The following PARVA variants were observed in gnomAD, a reference collection of about 807,000 sequenced individuals.
PARVA encodes parvin alpha, also known as alpha-parvin.
PARVA carries 25 observed loss-of-function variants against 52.6 expected under a neutral mutation model. That is an observed-to-expected ratio of 0.48 (90% confidence interval 0.35 to 0.66). PARVA has a LOEUF of 0.66. PARVA is among the 30% of genes least tolerant of loss of function. The pLI, the probability that PARVA is intolerant of heterozygous loss-of-function variation, is 0.01. For missense variants in PARVA, 373 were observed against 450.9 expected (o/e 0.83, Z 1.56); for synonymous variants, 185 against 179.1 (o/e 1.03, Z -0.26).
intron 5 of PARVA, among the ~76,000 whole-genome samples, chr11:12,499,282 C>T (rs572658891): frequency 7.9e-5 from 12 of 152,264 alleles, no homozygotes; most frequent in African/African-American, 2.6e-4. Flanking sequence ...GTGGCAGGCT[C>T]AGCTCCTGGG....
At chr11:12,450,479 T>A (rs188984956) in intron 1 of PARVA, among the ~76,000 whole-genome samples, 2 of 152,292 alleles carry the variant, frequency 1.3e-5, no homozygotes, top group East Asian at 3.9e-4. Flanking sequence ...GCTAAGTGAT[T>A]AAGGGAAAAG....
intron 8 of PARVA, 122 bp from the exon 9 acceptor site, chr11:12,513,177 A>G (rs895436273): frequency 1.2e-5 from 10 of 812,366 alleles, no homozygotes; most frequent in African/African-American, 1.2e-4. Flanking sequence ...TCTATACCCC[A>G]GAGGCTTCCC....
chr11:12,513,619 C>T (rs1388621231), intron 9 of PARVA: 2 of 641,086 alleles, frequency 3.1e-6, no homozygotes, highest in Non-Finnish European at 5.7e-6. Flanking sequence ...GCCTTCCCCA[C>T]TCCTCACAGA....
intron 1 of PARVA, among the ~76,000 whole-genome samples, chr11:12,410,695 A>G (rs1186947928): frequency 6.6e-6 from 1 of 151,796 alleles, no homozygotes; most frequent in Non-Finnish European, 1.5e-5. Context: ...CCCAAACCAA[A>G]CTCTGACCTA....
chr11:12,468,835 G>A (rs182514360), intron 1 of PARVA, among the ~76,000 whole-genome samples: 104 of 152,308 alleles, frequency 6.8e-4, no homozygotes, highest in Non-Finnish European at 1.4e-3. Context: ...GAAGGAGAAG[G>A]TTGCCTTTTC....
chr11:12,471,930 T>G (rs1021126393), intron 1 of PARVA, among the ~76,000 whole-genome samples: 6 of 152,240 alleles, frequency 3.9e-5, no homozygotes, highest in African/African-American at 1.4e-4. Context: ...TTATTTCCAC[T>G]GCTCACTCCT....
At chr11:12,390,383 G>A (rs1210627389) in intron 1 of PARVA, among the ~76,000 whole-genome samples, 1 of 152,180 alleles carries the variant, frequency 6.6e-6, no homozygotes. Context: ...GGTCTGTTGA[G>A]GTGGGCAGTG....
chr11:12,475,204 C>T (rs902872010), intron 3 of PARVA, among the ~76,000 whole-genome samples: 46 of 152,302 alleles, frequency 3.0e-4, no homozygotes, highest in African/African-American at 8.4e-4. Context: ...CGCTCCCCAC[C>T]GCCAAAGCCT....
At chr11:12,380,596 A>G (rs890369459) in intron 1 of PARVA, among the ~76,000 whole-genome samples, 6 of 150,914 alleles carry the variant, frequency 4.0e-5, no homozygotes, top group African/African-American at 1.5e-4. Flanking sequence ...TAGGGCACAG[A>G]GCAGTGCAGA....
At chr11:12,419,910 G>A (rs969100527) in intron 1 of PARVA, among the ~76,000 whole-genome samples, 2 of 152,114 alleles carry the variant, frequency 1.3e-5, no homozygotes, top group Non-Finnish European at 2.9e-5. Flanking sequence ...GGTAAATGCT[G>A]GCGGAAACAC....
chr11:12,468,486 A>G (rs936205117), intron 1 of PARVA, among the ~76,000 whole-genome samples: 3 of 152,174 alleles, frequency 2.0e-5, no homozygotes, highest in Non-Finnish European at 2.9e-5. Context: ...ATCAGGGGGA[A>G]ATTACCATTC....
Position 12,528,935 on chromosome 11 carries a change from C to G in PARVA, c.*1010C>G, listed in dbSNP as rs1941738100. 6.6e-6 allele frequency: 1 copy of G among 152,564 alleles called. No homozygotes were observed. The highest frequency in any genetic ancestry group is 1.5e-5 in the Non-Finnish European group (1 of 68,048). The allele number at this position is 152,564 out of a possible 1,614,324, so 9.5% of individuals were successfully genotyped here. ...CTTGATTGCATGTAATGGAAATGCC[C>G]TATATTTTCCTGCAAAATAAGTACT... is the stretch of plus-strand genomic sequence containing the variant. On this transcript the variant is annotated 3_prime_UTR_variant, in exon 13 of 13. Transcript: ENST00000334956.
At position 12,408,335 on chromosome 11, in the gene PARVA, C is replaced by G. The variant is rs529300005; in HGVS notation, c.136+30552C>G. ...ATTCCTGGTTTGTGGTGAGCACATC[C>G]TCTCCTGTTCTCAGCCCTCTCGGTT... On this transcript the variant is annotated intron_variant, in intron 1 of 12. Coordinates refer to ENST00000334956, the MANE Select transcript of PARVA (RefSeq NM_018222.5). 2.5e-3 allele frequency among the ~76,000 whole-genome samples: 375 copies of G among 152,272 alleles called. 4 individuals are homozygous for G. The highest frequency in any genetic ancestry group is 8.6e-3 in the African/African-American group (356 of 41,546).
intron 1 of PARVA, among the ~76,000 whole-genome samples, chr11:12,395,723 C>T (rs1462753126): frequency 6.6e-6 from 1 of 152,202 alleles, no homozygotes; most frequent in Non-Finnish European, 1.5e-5. Flanking sequence ...CATGGCTGGC[C>T]AGGAGGACCT....
chr11:12,512,699 GTTCTCACAC>G (rs1330218512), intron 8 of PARVA, among the ~76,000 whole-genome samples: 4 of 152,214 alleles, frequency 2.6e-5, no homozygotes, highest in Non-Finnish European at 5.9e-5. Flanking sequence ...GCACATGCTT[GTTCTCACAC>G]TTCATCCTCA....
In PARVA at chr11:12,444,447, C is replaced by CT. The variant is rs572899027; in HGVS notation, c.137-29288dup. On this transcript the variant is annotated intron_variant, in intron 1 of 12. Coordinates refer to ENST00000334956, the MANE Select transcript of PARVA (RefSeq NM_018222.5). ...GCCCAGTATATCTTTCTTTGCTTTT[C>CT]TTTTTTTTTTATAGAGATATAGGGT... 6.5e-3 allele frequency among the ~76,000 whole-genome samples: 964 copies of CT among 147,948 alleles called. 30 individuals are homozygous for CT. The highest frequency in any genetic ancestry group is 0.051 in the Admixed American group (759 of 14,878).
chr11:12,376,958 A>C (rs1165086415), upstream of PARVA, among the ~76,000 whole-genome samples: 2 of 152,186 alleles, frequency 1.3e-5, no homozygotes, highest in Admixed American at 6.5e-5. Context: ...AAGCTGCTGG[A>C]AACACGGATG....
In PARVA at chr11:12,528,004, G is replaced by A; in HGVS notation, c.*79G>A. 1.0e-6 allele frequency: 1 copy of A among 964,556 alleles called. No individual in the cohort carries two copies. Among genetic ancestry groups the A allele is most frequent in the Admixed American group, 1.7e-5 (1 of 59,000 alleles). The allele number at this position is 964,556 out of a possible 1,614,324, so 59.7% of individuals were successfully genotyped here. ...ACCCTCCTCCGAACTGCCTTACCCT[G>A]CTTATTCCTGTCTCTTGCACTGTGC... On this transcript the variant is annotated 3_prime_UTR_variant, in exon 13 of 13. Transcript: ENST00000334956.
chr11:12,416,816 G>A (rs567882175), intron 1 of PARVA, among the ~76,000 whole-genome samples: 4 of 151,998 alleles, frequency 2.6e-5, no homozygotes, highest in Non-Finnish European at 5.9e-5. Flanking sequence ...GGGAGGGCAC[G>A]AGGGCAGAGA....
Sources: allele counts gnomAD v4.1 joint callset (sites outside exome capture counted in the v4.1 genomes callset), GRCh38; gene constraint gnomAD v4.1.1; transcripts MANE v1.5; gene names NCBI Gene and HGNC (gene_info 2026-07-23, HGNC 2026-07-21).